The following CEP350 variants were observed in gnomAD, a reference collection of about 807,000 sequenced individuals.
CEP350 encodes centrosomal protein 350.
A neutral mutation model predicts 331.8 loss-of-function variants in CEP350; 126 were observed. That is an observed-to-expected ratio of 0.38 (90% CI 0.33 to 0.44). The LOEUF (loss-of-function observed/expected upper bound fraction) is 0.44. CEP350 is among the 20% of genes least tolerant of loss of function. The pLI, the probability that CEP350 is intolerant of heterozygous loss-of-function variation, is 1.00. For synonymous variants in CEP350, 1,200 were observed against 1,259.5 expected (o/e 0.95, Z 1.00); for missense variants, 3,406 against 3,634.6 (o/e 0.94, Z 1.62).
intron 7 of CEP350, among the ~76,000 whole-genome samples, chr1:180,005,738 T>A (rs1056190036): frequency 1.3e-5 from 2 of 152,162 alleles, no homozygotes; most frequent in African/African-American, 4.8e-5. Context: ...CTGACCGTAG[T>A]TCCTACTAAT....
At chr1:180,018,031 G>GCTT (rs1278171426) in intron 11 of CEP350, among the ~76,000 whole-genome samples, 2 of 152,104 alleles carry the variant, frequency 1.3e-5, no homozygotes, top group Non-Finnish European at 2.9e-5. Context: ...TTGGAGACAG[G>GCTT]GTCTTGCTTT....
intron 8 of CEP350, among the ~76,000 whole-genome samples, chr1:180,008,272 A>G (rs1039762808): frequency 6.6e-6 from 1 of 152,170 alleles, no homozygotes; most frequent in Admixed American, 6.5e-5. Flanking sequence ...AGATTGCCCA[A>G]ATTTATAACT....
At chr1:180,084,760 A>T (rs1431781269) in intron 31 of CEP350, among the ~76,000 whole-genome samples, 1 of 152,140 alleles carries the variant, frequency 6.6e-6, no homozygotes, top group Non-Finnish European at 1.5e-5. Context: ...CCAGATACTC[A>T]GGAGGCTGAG....
At chr1:180,032,921 T>C (rs1236663919) in intron 15 of CEP350, among the ~76,000 whole-genome samples, 1 of 152,114 alleles carries the variant, frequency 6.6e-6, no homozygotes, top group Non-Finnish European at 1.5e-5. Context: ...ATAGTATTTA[T>C]CTAAAGTATC....
chr1:179,983,990 T>C (rs1009655496), intron 1 of CEP350, among the ~76,000 whole-genome samples: 9 of 152,152 alleles, frequency 5.9e-5, no homozygotes, highest in African/African-American at 2.2e-4. Context: ...GTAGAAAGAA[T>C]AGATAATCTT....
chr1:180,023,772 C>T (rs186995610), intron 13 of CEP350, among the ~76,000 whole-genome samples: 19 of 152,144 alleles, frequency 1.2e-4, no homozygotes, highest in African/African-American at 4.1e-4. Flanking sequence ...AATTTTCTCC[C>T]TATATTTAGC....
chr1:180,064,980 G>T (rs1449328707), intron 26 of CEP350, 135 bp from the exon 27 acceptor site: 2 of 887,182 alleles, frequency 2.3e-6, no homozygotes, highest in Middle Eastern at 7.1e-4. Context: ...GATATATTTT[G>T]TCCTTTATTA....
At chr1:180,062,452 A>T (rs1463588076) in intron 26 of CEP350, 86 bp downstream of exon 26, 2 of 1,409,772 alleles carry the variant, frequency 1.4e-6, no homozygotes, top group Non-Finnish European at 1.9e-6. Context: ...GATAATATTC[A>T]TTCAAGCAGT....
At chr1:180,064,199 T>C (rs1423107199) in intron 26 of CEP350, among the ~76,000 whole-genome samples, 1 of 152,156 alleles carries the variant, frequency 6.6e-6, no homozygotes, top group Non-Finnish European at 1.5e-5. Context: ...GTGCTTGGGC[T>C]TGCAGTTGTG....
intron 1 of CEP350, among the ~76,000 whole-genome samples, chr1:179,965,295 G>C (rs988008554): frequency 6.6e-6 from 1 of 152,038 alleles, no homozygotes; most frequent in Non-Finnish European, 1.5e-5. Flanking sequence ...AGAATGTATT[G>C]AGACTTGCTT....
At chr1:179,992,412 G>T (rs1653163989) in intron 5 of CEP350, among the ~76,000 whole-genome samples, 191 bp downstream of exon 5, 1 of 152,114 alleles carries the variant, frequency 6.6e-6, no homozygotes, top group Admixed American at 6.6e-5. Flanking sequence ...AATACTGACT[G>T]CAGTAGCCTC....
At chr1:180,008,316 G>A (rs947521906) in intron 8 of CEP350, among the ~76,000 whole-genome samples, 13 of 152,054 alleles carry the variant, frequency 8.5e-5, no homozygotes, top group Non-Finnish European at 1.3e-4. Context: ...GCTAATTTTA[G>A]TGTGCCTTGG....
intron 14 of CEP350, among the ~76,000 whole-genome samples, chr1:180,029,526 G>A (rs184979117): frequency 4.7e-4 from 71 of 152,222 alleles, no homozygotes; most frequent in Middle Eastern, 6.8e-3. Context: ...CATTAAGCAC[G>A]TTTATACTGT....
intron 27 of CEP350, among the ~76,000 whole-genome samples, chr1:180,072,629 T>C (rs574021316): frequency 6.6e-6 from 1 of 152,308 alleles, no homozygotes; most frequent in Non-Finnish European, 1.5e-5. Context: ...GCAATCCAGA[T>C]ATGAATATGT....
intron 27 of CEP350, among the ~76,000 whole-genome samples, chr1:180,071,025 G>C (rs577283523): frequency 3.2e-4 from 49 of 151,394 alleles, no homozygotes; most frequent in African/African-American, 1.1e-3. Context: ...GCGCGTGCCT[G>C]TAATCCCAGC....
At chr1:180,069,502 C>T (rs979668340) in intron 27 of CEP350, among the ~76,000 whole-genome samples, 2 of 152,108 alleles carry the variant, frequency 1.3e-5, no homozygotes, top group African/African-American at 4.8e-5. Context: ...TCTTAGACAA[C>T]ATTCTAGTCT....
chr1:180,047,015 A>C (rs891220363), intron 21 of CEP350, among the ~76,000 whole-genome samples: 1 of 152,242 alleles, frequency 6.6e-6, no homozygotes, highest in African/African-American at 2.4e-5. Flanking sequence ...ATATTCTGAT[A>C]AGTACTGTCA....
chr1:180,073,997 T>A, intron 27 of CEP350: 1 of 1,154,488 alleles, frequency 8.7e-7, no homozygotes, highest in Non-Finnish European at 1.1e-6. Flanking sequence ...CTCTCTCTCT[T>A]TTTTTTTAAT....
intron 36 of CEP350, among the ~76,000 whole-genome samples, chr1:180,097,739 A>G (rs1660562651): frequency 6.6e-6 from 1 of 152,184 alleles, no homozygotes; most frequent in Non-Finnish European, 1.5e-5. Flanking sequence ...TAGTTCAAAT[A>G]TTGTTAGTAG....
Sources: gnomAD v4.1 joint callset for allele counts (sites outside exome capture counted in the v4.1 genomes callset) on GRCh38, gnomAD v4.1.1 for gene constraint, MANE v1.5 for transcripts, NCBI Gene and HGNC (gene_info 2026-07-23, HGNC 2026-07-21) for gene names.